TBC1D4: variants seen among roughly 807,000 people sequenced by gnomAD.
TBC1D4 encodes TBC1 domain family member 4.
Under a neutral mutation model 142.5 loss-of-function variants are expected in TBC1D4, and 121 were observed. The ratio of observed to expected loss-of-function variants is 0.85; its 90% CI spans 0.73 to 0.99. The LOEUF is 0.99. TBC1D4 is among the 50% of genes least tolerant of loss of function. TBC1D4 has a pLI of 0.00. For missense variants in TBC1D4, 1,475 were observed against 1,606.6 expected, an observed-to-expected ratio of 0.92 and a Z score of 1.40; for synonymous variants, 630 against 628.2, an observed-to-expected ratio of 1.00 and a Z score of -0.04.
At chr13:75,396,454 A>C (rs967591442) in intron 1 of TBC1D4, among the ~76,000 whole-genome samples, 1 of 152,238 alleles carries the variant, frequency 6.6e-6, no homozygotes, top group African/African-American at 2.4e-5. Context: ...GGAAAAAGTA[A>C]AGAGATTCTT....
rs1874478064 is a variant in TBC1D4 at position 75,283,982 on chromosome 13, TGCAAGCTCC to T, written c.*2801_*2809del. On this transcript the variant is annotated 3_prime_UTR_variant, in exon 21 of 21. Transcript: ENST00000377636. ...GCATGATGGCTCACTGCAAGCTCACTGCAAGCTCCGCCTCCCAGGTTCAAACTATTCTCC... is the reference window on the plus strand; with the variant it reads ...GCATGATGGCTCACTGCAAGCTCACTGCCTCCCAGGTTCAAACTATTCTCC... Among the ~76,000 whole-genome samples the T allele has an allele frequency of 1.2e-4, 18 of 152,186 alleles. No individual in the cohort carries two copies. The South Asian group carries it at 3.3e-3, about 28-fold the overall frequency.
chr13:75,422,582 C>T (rs1886215400), intron 1 of TBC1D4, among the ~76,000 whole-genome samples: 1 of 152,100 alleles, frequency 6.6e-6, no homozygotes, highest in Non-Finnish European at 1.5e-5. Context: ...CAATTCTTTA[C>T]AATATTTAAA....
chr13:75,476,303 T>C (rs1398319995), intron 1 of TBC1D4, among the ~76,000 whole-genome samples: 1 of 152,190 alleles, frequency 6.6e-6, no homozygotes, highest in Non-Finnish European at 1.5e-5. Context: ...CTTATACACA[T>C]AGCCTCAAGG....
At chr13:75,441,863 T>G (rs1887055738) in intron 1 of TBC1D4, among the ~76,000 whole-genome samples, 1 of 152,214 alleles carries the variant, frequency 6.6e-6, no homozygotes, top group African/African-American at 2.4e-5. Flanking sequence ...CATTACAACT[T>G]AATTGTATAC....
chr13:75,356,064 C>T, intron 4 of TBC1D4, 83 bp downstream of exon 4: 1 of 1,027,338 alleles, frequency 9.7e-7, no homozygotes, highest in Non-Finnish European at 1.5e-6. Flanking sequence ...AGCCATATTG[C>T]AAGGCTTGGG....
In TBC1D4 at chr13:75,345,000, T is replaced by C. The variant is rs115631007; in HGVS notation, c.1409-3413A>G. ...AGAATTAACAGTTATCTTACTTAAA[T>C]GAAAGTAACTGTTTGGAAAACACAC... is the stretch of plus-strand genomic sequence containing the variant. On this transcript the variant is annotated intron_variant, in intron 5 of 20. Coordinates refer to ENST00000377636, the MANE Select transcript of TBC1D4 (RefSeq NM_014832.5). 2.6e-3 allele frequency among the ~76,000 whole-genome samples: 401 copies of C among 152,314 alleles called. 2 individuals are homozygous for C. Among genetic ancestry groups the C allele is most frequent in the African/African-American group, 9.1e-3 (379 of 41,572 alleles).
chr13:75,302,560 G>A (rs1443250808), intron 15 of TBC1D4, 159 bp from the exon 16 acceptor site: 1 of 818,440 alleles, frequency 1.2e-6, no homozygotes, highest in East Asian at 2.7e-5. Context: ...ATTTTGACAA[G>A]CTGAATCCTA....
intron 7 of TBC1D4, 100 bp downstream of exon 7, chr13:75,341,025 A>G (rs1258439011): frequency 1.3e-5 from 13 of 1,001,688 alleles, no homozygotes; most frequent in Non-Finnish European, 1.9e-5. Flanking sequence ...GGAAACTCTG[A>G]TAGGACTTTA....
At chr13:75,375,223 G>A (rs970202637) in intron 1 of TBC1D4, among the ~76,000 whole-genome samples, 5 of 152,214 alleles carry the variant, frequency 3.3e-5, no homozygotes, top group Non-Finnish European at 7.3e-5. Context: ...GATCCAAAAT[G>A]TGGAGAGACA....
chr13:75,340,802 C>T (rs1363188377), intron 7 of TBC1D4, among the ~76,000 whole-genome samples: 2 of 151,964 alleles, frequency 1.3e-5, no homozygotes, highest in African/African-American at 2.4e-5. Context: ...CAAAATTAGC[C>T]GGGTGTGGTG....
chr13:75,303,771 T>C (rs891061788), intron 15 of TBC1D4, among the ~76,000 whole-genome samples: 3 of 152,218 alleles, frequency 2.0e-5, no homozygotes, highest in Admixed American at 2.0e-4. Context: ...CCAAACTACC[T>C]TTTTAAGCAC....
Position 75,349,214 on chromosome 13 carries a change from G to T in TBC1D4, c.1364C>A (p.Ala455Asp). 6.2e-7 allele frequency: 1 copy of T among 1,613,940 alleles called. No homozygotes were observed. Among genetic ancestry groups the T allele is most frequent in the South Asian group, 1.1e-5 (1 of 91,080 alleles). The change falls in exon 5 of 21, where the codon GCC becomes GAC. Residue 455 changes from alanine to aspartate, a missense_variant. Ala to Asp is a moderately radical substitution (Grantham distance 126). Transcript: ENST00000377636. ...CTTATGCAAAGAGTGCATCGGGCAG[G>T]CCTCACACAGTTTAATCTGCGTCTT... ...SAKTQIKLCE[A>D]CPMHSLHKLC...
At chr13:75,398,618 C>T (rs1884922890) in intron 1 of TBC1D4, among the ~76,000 whole-genome samples, 1 of 152,082 alleles carries the variant, frequency 6.6e-6, no homozygotes, top group Admixed American at 6.6e-5. Context: ...AGAAGCAAGA[C>T]AAGCTAAGAA....
intron 1 of TBC1D4, 58 bp downstream of exon 1, chr13:75,481,212 C>CAGG: frequency 6.7e-7 from 1 of 1,487,018 alleles, no homozygotes; most frequent in Non-Finnish European, 9.2e-7. Flanking sequence ...CCCTCCCGCC[C>CAGG]TGCTCCCCGA....
chr13:75,345,142 T>C (rs1881042223), intron 5 of TBC1D4, among the ~76,000 whole-genome samples: 1 of 152,198 alleles, frequency 6.6e-6, no homozygotes, highest in African/African-American at 2.4e-5. Flanking sequence ...GCTCTGCCCC[T>C]TCTAAGCAAA....
chr13:75,431,031 G>A (rs937021337), intron 1 of TBC1D4, among the ~76,000 whole-genome samples: 1 of 152,098 alleles, frequency 6.6e-6, no homozygotes, highest in East Asian at 1.9e-4. Flanking sequence ...GAACACTCCT[G>A]GCAAGCTTAA....
intron 3 of TBC1D4, among the ~76,000 whole-genome samples, chr13:75,357,617 A>G (rs1453238362): frequency 6.6e-6 from 1 of 152,232 alleles, no homozygotes; most frequent in Non-Finnish European, 1.5e-5. Flanking sequence ...GGCAATGGCA[A>G]TGTTTCCAGG....
chr13:75,288,420 A>G (rs951364768), intron 20 of TBC1D4, among the ~76,000 whole-genome samples: 4 of 152,130 alleles, frequency 2.6e-5, no homozygotes, highest in African/African-American at 9.7e-5. Flanking sequence ...TTGGCTTGAC[A>G]CTGAAAGTCA....
chr13:75,471,300 A>C (rs1406117081), intron 1 of TBC1D4, among the ~76,000 whole-genome samples: 1 of 152,262 alleles, frequency 6.6e-6, no homozygotes, highest in East Asian at 1.9e-4. Flanking sequence ...TGAACAGAGA[A>C]TAAACAAATT....
Sources: allele counts gnomAD v4.1 joint callset (sites outside exome capture counted in the v4.1 genomes callset), GRCh38; gene constraint gnomAD v4.1.1; transcripts MANE v1.5; gene names NCBI Gene and HGNC (gene_info 2026-07-23, HGNC 2026-07-21).